Variants in CDH23 observed in about 807,000 individuals in gnomAD.
CDH23 encodes the protein cadherin related 23.
In CDH23, 189 loss-of-function variants were observed where a neutral mutation model predicts 317.1. The observed-to-expected ratio is 0.60, with a 90% CI of 0.53 to 0.67. The LOEUF is 0.67. CDH23 is among the 30% of genes least tolerant of loss of function. The probability of loss-of-function intolerance (pLI) is 0.00; values close to 1 mark genes in which losing one functional copy is unlikely to be tolerated. For synonymous variants in CDH23, 1,839 were observed against 1,876.8 expected (o/e 0.98, Z 0.52); for missense variants, 4,401 against 4,592.4 (o/e 0.96, Z 1.20).
intron 8 of CDH23, among the ~76,000 whole-genome samples, chr10:71,575,958 G>T (rs1039784271): frequency 1.3e-5 from 2 of 152,190 alleles, no homozygotes; most frequent in African/African-American, 4.8e-5. Context: ...CCCAAACTTT[G>T]CCAGGAGCCT....
chr10:71,660,168 C>A (rs993283223), intron 14 of CDH23, among the ~76,000 whole-genome samples: 3 of 151,936 alleles, frequency 2.0e-5, no homozygotes, highest in Non-Finnish European at 4.4e-5. Flanking sequence ...ACCATGTTGG[C>A]CAGGATGGTC....
intron 41 of CDH23, among the ~76,000 whole-genome samples, chr10:71,781,388 C>A (rs1043886513): frequency 1.3e-5 from 2 of 152,178 alleles, no homozygotes; most frequent in African/African-American, 4.8e-5. Flanking sequence ...GAGCAAGGGC[C>A]TTTCTCTTCT....
intron 28 of CDH23, among the ~76,000 whole-genome samples, chr10:71,720,375 A>G (rs1866497587): frequency 6.6e-6 from 1 of 151,934 alleles, no homozygotes; most frequent in Non-Finnish European, 1.5e-5. Context: ...TGCTCCCCAC[A>G]GTGCGGGTGG....
intron 27 of CDH23, among the ~76,000 whole-genome samples, chr10:71,710,626 C>A (rs918823224): frequency 6.6e-6 from 1 of 152,214 alleles, no homozygotes; most frequent in Non-Finnish European, 1.5e-5. Flanking sequence ...CAGGACATGG[C>A]CTTCCCAGGG....
At position 71,566,803 on chromosome 10, in the gene CDH23, G is replaced by A. The variant is rs1224274707; in HGVS notation, c.491G>A (p.Gly164Glu). 4 of 1,613,334 alleles carry A rather than the reference G, an allele frequency of 2.5e-6. No homozygotes were observed. The highest frequency in any genetic ancestry group is 1.1e-5 in the South Asian group (1 of 91,058). ...VNATDPDLGA[G>E]GSVLYSFQPP... is the part of the protein sequence containing the mutation. ...GCCACAGACCCCGACTTGGGGGCAG[G>A]GGGCAGCGTCCTCTACTCCTTCCAG... Residue 164 changes from glycine to glutamate, a missense_variant, in exon 7 of 70, where the codon GGG (glycine) becomes GAG (glutamate). Transcript: ENST00000224721.
At chr10:71,511,697 A>T (rs1853999591) in intron 6 of CDH23, 1 of 201,354 alleles carries the variant, frequency 5.0e-6, no homozygotes, top group African/African-American at 2.3e-5. Context: ...TGTACTGTGT[A>T]CTCTGAGTAT....
At chr10:71,452,158 C>T (rs1320907287) in intron 3 of CDH23, among the ~76,000 whole-genome samples, 1 of 152,188 alleles carries the variant, frequency 6.6e-6, no homozygotes, top group African/African-American at 2.4e-5. Context: ...CCTTGGGGCC[C>T]TGAGCCATGG....
intron 9 of CDH23, among the ~76,000 whole-genome samples, chr10:71,578,868 C>T (rs1330995515): frequency 6.6e-6 from 1 of 152,194 alleles, no homozygotes. Flanking sequence ...CTACCATACC[C>T]CCACATCCCC....
chr10:71,404,325 C>G (rs1012050646), intron 1 of CDH23, among the ~76,000 whole-genome samples: 1 of 152,192 alleles, frequency 6.6e-6, no homozygotes, highest in African/African-American at 2.4e-5. Context: ...TGATTTATGT[C>G]GCCCCTGTGA....
At chr10:71,727,817 C>T (rs1202823487) in intron 30 of CDH23, among the ~76,000 whole-genome samples, 1 of 152,242 alleles carries the variant, frequency 6.6e-6, no homozygotes, top group African/African-American at 2.4e-5. Context: ...AGGTCTGGTT[C>T]TCCAGGAAGC....
intron 1 of CDH23, among the ~76,000 whole-genome samples, chr10:71,433,095 G>A (rs1243456336): frequency 6.6e-5 from 10 of 152,150 alleles, no homozygotes; most frequent in Admixed American, 5.2e-4. Flanking sequence ...GAAGATAGGC[G>A]GAATGCAGAA....
chr10:71,709,195 C>T lies in CDH23; in HGVS notation c.3204C>T (p.Leu1068=), dbSNP rs1275677138. The change falls in exon 27 of 70, where the codon CTC becomes CTT. Residue 1068 remains leucine (L), a synonymous_variant. Transcript: ENST00000224721. The part of the protein sequence containing the change: ...LDRETTAAYM[L]ILEAIDNGPV... ...GGGAGACCACAGCCGCCTACATGCTCATCCTGGAGGCCATCGGTATGCACC... is the reference window on the plus strand; with the variant it reads ...GGGAGACCACAGCCGCCTACATGCTTATCCTGGAGGCCATCGGTATGCACC... 1.9e-6 allele frequency: 3 copies of T among 1,613,742 alleles called. No individual in the cohort carries two copies. Among genetic ancestry groups the T allele is most frequent in the Middle Eastern group, 1.6e-4 (1 of 6,084 alleles).
At position 71,636,044 on chromosome 10, in the gene CDH23, T is replaced by C. The variant is rs181437172; in HGVS notation, c.1135-7817T>C. Among the ~76,000 whole-genome samples the C allele has an allele frequency of 1.4e-3, 210 of 152,132 alleles. 1 individual carries two copies. Among genetic ancestry groups the C allele is most frequent in the Admixed American group, 2.6e-3 (40 of 15,296 alleles). On this transcript the variant is annotated intron_variant, in intron 11 of 69. Coordinates refer to ENST00000224721, the MANE Select transcript of CDH23 (RefSeq NM_022124.6). ...CCTGCCCTCCTTGCGGGTTAGTATT[T>C]CAACATGAATTTTGGGGAAGGGGAC... is the stretch of plus-strand genomic sequence containing the variant.
intron 29 of CDH23, among the ~76,000 whole-genome samples, chr10:71,724,331 C>G (rs1441180625): frequency 6.6e-6 from 1 of 152,190 alleles, no homozygotes. Flanking sequence ...CTCCCTCTGT[C>G]GCCCAGGCTG....
chr10:71,664,036 G>A (rs939547389), intron 14 of CDH23, among the ~76,000 whole-genome samples: 1 of 150,806 alleles, frequency 6.6e-6, no homozygotes, highest in Non-Finnish European at 1.5e-5. Flanking sequence ...CTGGTTGCAT[G>A]AAGTGCCTTG....
intron 38 of CDH23, among the ~76,000 whole-genome samples, chr10:71,763,293 C>T (rs1273684247): frequency 6.6e-6 from 1 of 152,234 alleles, no homozygotes; most frequent in Non-Finnish European, 1.5e-5. Context: ...CAAGTGTGAC[C>T]CACTACGCCC....
intron 6 of CDH23, among the ~76,000 whole-genome samples, chr10:71,553,117 A>G (rs1171066708): frequency 6.6e-6 from 1 of 152,156 alleles, no homozygotes; most frequent in African/African-American, 2.4e-5. Context: ...CCAGCCTGCT[A>G]TTTTTTAAAA....
chr10:71,519,069 A>G (rs1454812867), intron 6 of CDH23, among the ~76,000 whole-genome samples: 1 of 152,218 alleles, frequency 6.6e-6, no homozygotes, highest in Non-Finnish European at 1.5e-5. Context: ...TCTTAATTAC[A>G]TCAGTTTCCT....
At chr10:71,810,357 A>C (rs2132997740) in intron 61 of CDH23, 115 bp from the exon 62 acceptor site, 1 of 977,980 alleles carries the variant, frequency 1.0e-6, no homozygotes, top group Non-Finnish European at 1.6e-6. Context: ...TCAAACATTC[A>C]GTAGTGAAGG....
Sources: allele counts gnomAD v4.1 joint callset (sites outside exome capture counted in the v4.1 genomes callset), GRCh38; gene constraint gnomAD v4.1.1; transcripts MANE v1.5; gene names NCBI Gene and HGNC (gene_info 2026-07-23, HGNC 2026-07-21).